The following DPP6 variants were observed in gnomAD, a reference collection of about 807,000 sequenced individuals.
DPP6 encodes the protein A-type potassium channel modulatory protein DPP6.
A neutral mutation model predicts 122.6 loss-of-function variants in DPP6; 69 were observed. That is an observed-to-expected ratio of 0.56 (90% CI 0.46 to 0.69). The LOEUF (loss-of-function observed/expected upper bound fraction) is 0.69. DPP6 is among the 30% of genes least tolerant of loss of function. The pLI is 0.00. For missense variants in DPP6, 928 were observed against 1,116.9 expected, an observed-to-expected ratio of 0.83 and a Z score of 2.41; for synonymous variants, 418 against 433.1, an observed-to-expected ratio of 0.97 and a Z score of 0.43.
Position 154,361,157 on chromosome 7 carries a change from G to A in DPP6, c.244-85057G>A, listed in dbSNP as rs926611075. Among the ~76,000 whole-genome samples the A allele has an allele frequency of 4.3e-4, 65 of 152,268 alleles. 1 individual carries two copies. The highest frequency in any genetic ancestry group is 1.3e-3 in the African/African-American group (52 of 41,548). On this transcript the variant is annotated intron_variant, in intron 1 of 25. Transcript: ENST00000377770. Reference sequence around the variant, plus strand: ...TCTGTATAATAAGATGCTGGATTCCGTAGGCCAGTGGCCTATGAGAAGATC... The same window carrying A: ...TCTGTATAATAAGATGCTGGATTCCATAGGCCAGTGGCCTATGAGAAGATC...
At chr7:154,314,505 G>C (rs1297317378) in intron 1 of DPP6, among the ~76,000 whole-genome samples, 1 of 152,174 alleles carries the variant, frequency 6.6e-6, no homozygotes, top group Non-Finnish European at 1.5e-5. Flanking sequence ...TTTTAGTAAC[G>C]TAAACCCCTT....
intron 1 of DPP6, among the ~76,000 whole-genome samples, chr7:154,426,130 T>C (rs183751237): frequency 3.9e-4 from 59 of 152,334 alleles, no homozygotes; most frequent in Non-Finnish European, 7.3e-4. Context: ...CTTCATGTCA[T>C]CTTGCCAACA....
chr7:153,958,670 C>T (rs1348717591), intron 1 of DPP6, among the ~76,000 whole-genome samples: 2 of 152,142 alleles, frequency 1.3e-5, no homozygotes, highest in Non-Finnish European at 2.9e-5. Flanking sequence ...TTGGTACAGC[C>T]CTCTTTATCA....
At chr7:154,787,255 T>C (rs766725573) in intron 10 of DPP6, among the ~76,000 whole-genome samples, 2 of 152,250 alleles carry the variant, frequency 1.3e-5, no homozygotes, top group Non-Finnish European at 2.9e-5. Context: ...CTGTGAGAAA[T>C]TTGATAAATT....
intron 1 of DPP6, among the ~76,000 whole-genome samples, chr7:154,132,497 C>T (rs1251764019): frequency 1.3e-5 from 2 of 152,080 alleles, no homozygotes; most frequent in South Asian, 4.1e-4. Context: ...TCTGAAATTA[C>T]CATCACCTCC....
chr7:154,017,092 G>A (rs1215816956), intron 1 of DPP6, among the ~76,000 whole-genome samples: 2 of 152,132 alleles, frequency 1.3e-5, no homozygotes, highest in African/African-American at 4.8e-5. Context: ...TTTTGAGACA[G>A]GGTCTCACTC....
intron 1 of DPP6, 145 bp downstream of exon 1, chr7:154,053,208 C>T: frequency 1.4e-6 from 1 of 710,192 alleles, no homozygotes. Context: ...CCCAGACAGG[C>T]TCCGTGGCGC....
At chr7:153,816,499 T>C in the DPP6 span, among the ~76,000 whole-genome samples, 1 of 152,218 alleles carries the variant, frequency 6.6e-6, no homozygotes, top group East Asian at 1.9e-4. Flanking sequence ...AGCATGCAAA[T>C]TGATAATTTA....
intron 6 of DPP6, among the ~76,000 whole-genome samples, chr7:154,646,941 T>C (rs913654936): frequency 2.0e-5 from 3 of 152,186 alleles, no homozygotes; most frequent in African/African-American, 7.2e-5. Flanking sequence ...TTTAGTTCCC[T>C]CAGGGACTTT....
chr7:154,078,387 CA>C (rs1803725946), intron 1 of DPP6, among the ~76,000 whole-genome samples: 1 of 142,046 alleles, frequency 7.0e-6, no homozygotes, highest in Non-Finnish European at 1.5e-5. Flanking sequence ...CACACACACA[CA>C]CCATTTTAAG....
intron 16 of DPP6, 63 bp from the exon 17 acceptor site, chr7:154,853,717 G>T (rs1045886194): frequency 7.3e-7 from 1 of 1,373,844 alleles, no homozygotes; most frequent in Non-Finnish European, 9.8e-7. Flanking sequence ...CTGTTTTCTT[G>T]TTCTCGGCTA....
chr7:154,159,035 C>G (rs1368090422), intron 1 of DPP6, among the ~76,000 whole-genome samples: 1 of 152,140 alleles, frequency 6.6e-6, no homozygotes, highest in Non-Finnish European at 1.5e-5. Flanking sequence ...AGAGAATCAA[C>G]CTCCCATCTC....
intron 1 of DPP6, among the ~76,000 whole-genome samples, chr7:153,964,661 T>A (rs1426374746): frequency 2.0e-5 from 3 of 152,128 alleles, no homozygotes; most frequent in Admixed American, 2.0e-4. Context: ...GGCGCCAACA[T>A]CCTGTGGTGA....
chr7:154,743,669 C>G (rs1010711439), intron 8 of DPP6, among the ~76,000 whole-genome samples: 74 of 151,478 alleles, frequency 4.9e-4, no homozygotes, highest in African/African-American at 1.7e-3. Context: ...TTGGTATATA[C>G]GCAGGGGATT....
intron 1 of DPP6, among the ~76,000 whole-genome samples, chr7:154,425,611 T>G (rs1490520335): frequency 8.8e-6 from 1 of 113,986 alleles, no homozygotes; most frequent in Non-Finnish European, 1.7e-5. Flanking sequence ...AAAATGTGTG[T>G]GTGTGTGTGG....
chr7:154,117,434 G>T (rs1332256325), intron 1 of DPP6, among the ~76,000 whole-genome samples: 2 of 152,060 alleles, frequency 1.3e-5, no homozygotes, highest in East Asian at 3.9e-4. Context: ...TGTCTTTTAG[G>T]GGGAAGGGAA....
intron 1 of DPP6, among the ~76,000 whole-genome samples, chr7:154,112,988 G>A (rs3115169): frequency 1.8e-3 from 267 of 151,020 alleles, no homozygotes; most frequent in South Asian, 8.8e-3. Context: ...TCCTTCTGTG[G>A]TTGGTTCATT....
At chr7:154,033,129 T>G (rs905982481) in intron 1 of DPP6, among the ~76,000 whole-genome samples, 9 of 152,136 alleles carry the variant, frequency 5.9e-5, no homozygotes, top group African/African-American at 2.2e-4. Context: ...ATAAAAGCAT[T>G]TATTTGCCCA....
At chr7:154,692,999 C>T (rs150229539) in intron 7 of DPP6, among the ~76,000 whole-genome samples, 1,719 of 151,128 alleles carry the variant, frequency 0.011, 16 homozygotes, top group Non-Finnish European at 0.017. Flanking sequence ...GCTATGTTGC[C>T]CAGGCTTGTC....
Sources: allele counts gnomAD v4.1 joint callset (sites outside exome capture counted in the v4.1 genomes callset), GRCh38; gene constraint gnomAD v4.1.1; transcripts MANE v1.5; gene names NCBI Gene and HGNC (gene_info 2026-07-23, HGNC 2026-07-21).